The following HK3 variants were observed in gnomAD, a reference collection of about 807,000 sequenced individuals.
HK3 encodes the protein hexokinase 3, also known as hexokinase-3.
In HK3, 93 loss-of-function variants were observed where a neutral mutation model predicts 91.0. That is an observed-to-expected ratio of 1.02 (90% CI 0.86 to 1.21). The LOEUF (loss-of-function observed/expected upper bound fraction) is 1.21. Ranked by LOEUF, HK3 falls within the 50% of genes most tolerant of loss-of-function variation. The pLI, the probability that HK3 is intolerant of heterozygous loss-of-function variation, is 0.00. For synonymous variants in HK3, 519 were observed against 516.9 expected (o/e 1.00, Z -0.06); for missense variants, 1,235 against 1,247.4 (o/e 0.99, Z 0.15).
At chr5:176,891,223 C>T in intron 3 of HK3, 32 bp from the exon 4 acceptor site, 1 of 1,614,026 alleles carries the variant, frequency 6.2e-7, no homozygotes, top group East Asian at 2.2e-5. Context: ...GAAAGCCATG[C>T]AGCTGGCAAG....
intron 13 of HK3, among the ~76,000 whole-genome samples, chr5:176,885,423 C>A (rs1478366496): frequency 6.6e-6 from 1 of 152,060 alleles, no homozygotes; most frequent in Non-Finnish European, 1.5e-5. Flanking sequence ...ATAATGTGGG[C>A]CCAACATTTT....
chr5:176,883,957 C>A, intron 14 of HK3, 82 bp downstream of exon 14: 1 of 1,573,178 alleles, frequency 6.4e-7, no homozygotes, highest in South Asian at 1.1e-5. Context: ...CCGCAGAGGG[C>A]TCCCCCCTCA....
At chr5:176,896,211 G>A (rs923853847) in intron 1 of HK3, 26 bp from the exon 2 acceptor site, 4 of 1,390,166 alleles carry the variant, frequency 2.9e-6, no homozygotes, top group African/African-American at 2.9e-5. Context: ...GACAACCTGG[G>A]TCAACCATTT....
rs73341829 is a variant in HK3 at position 176,888,879 on chromosome 5, G to A, written c.915-15C>T. 3.4e-3 allele frequency: 5,477 copies of A among 1,607,816 alleles called. 148 individuals carry two copies. In the African/African-American group the frequency reaches 0.061, roughly 18 times the overall value. On this transcript the variant is annotated splice_polypyrimidine_tract_variant and intron_variant, in intron 8 of 18. Transcript: ENST00000292432. The stretch of plus-strand genomic sequence containing the variant: ...TCTTCTCAAACCTGCAGGGGGGAAG[G>A]GTGGCTGGAGGAAGCCTTTTCTAAG...
At position 176,887,737 on chromosome 5, in the gene HK3, G is replaced by T. The variant is rs372112258; in HGVS notation, c.1314C>A (p.Ser438Arg). The change falls in exon 11 of 19, where the codon AGC (serine) becomes AGA (arginine). Residue 438 changes from serine to arginine, a missense_variant. Around this residue, in one of 3 missense-constraint regions of HK3, gnomAD observed 717 missense variants for 751.6 expected, o/e 0.95. Transcript: ENST00000292432. This position sits in a 1 kb window ranked among gnomAD's most constrained non-coding sequence, Gnocchi z 4.9. ...RVCERHPRFC[S>R]VLQGTVMLLA... Reference sequence around the variant, plus strand: ...GGAGCATCACTGTCCCCTGCAGGACGCTGCAGAACCTACAGATACATACAG... The same window carrying T: ...GGAGCATCACTGTCCCCTGCAGGACTCTGCAGAACCTACAGATACATACAG... 1.9e-6 allele frequency: 3 copies of T among 1,606,546 alleles called. No individual in the cohort carries two copies. The African/African-American group carries it at 4.0e-5, about 21-fold the overall frequency.
At position 176,881,307 on chromosome 5, in the gene HK3, G is replaced by A; in HGVS notation, c.2622C>T (p.His874=). 1 of 1,613,728 alleles carries A rather than the reference G, an allele frequency of 6.2e-7. No individual in the cohort carries two copies. The highest frequency in any genetic ancestry group is 8.5e-7 in the Non-Finnish European group (1 of 1,179,870). Residue 874 remains histidine, a synonymous_variant, in exon 18 of 19, where the codon CAC becomes CAT. Transcript: ENST00000292432. ...VGVDGTLYKL[H]PRFSSLVAAT... is the part of the protein sequence containing the mutation. ...GCCCGCACACCCAGACTCACCGCGG[G>A]TGCAGCTTGTAGAGCGTTCCATCCA...
rs201445934 is a variant in HK3, at chr5:176,881,160, C to A, written c.2685G>T (p.Thr895=). The change falls in exon 19 of 19, where the codon ACG becomes ACT. Residue 895 remains threonine, a synonymous_variant. Transcript: ENST00000292432. The part of the protein sequence containing the change: ...VRELAPRCVV[T]FLQSEDGSGK... Reference sequence around the variant, plus strand: ...CGGACCCATCCTCTGACTGCAGGAACGTGACCACACAGCGAGGGGCCAGCT... The same window carrying A: ...CGGACCCATCCTCTGACTGCAGGAAAGTGACCACACAGCGAGGGGCCAGCT... The A allele has an allele frequency of 1.2e-6, 2 of 1,613,138 alleles. No homozygotes were observed. The highest frequency in any genetic ancestry group is 8.5e-7 in the Non-Finnish European group (1 of 1,179,920).
chr5:176,890,774 G>A, intron 5 of HK3, 44 bp from the exon 6 acceptor site: 1 of 1,614,172 alleles, frequency 6.2e-7, no homozygotes, highest in Non-Finnish European at 8.5e-7. Flanking sequence ...GGCCTTCATG[G>A]GGCTGCAGCC....
Position 176,880,962 on chromosome 5 carries a change from A to G in HK3, c.*111T>C, listed in dbSNP as rs11540627. 0.072 allele frequency: 93,371 copies of G among 1,295,284 alleles called. 3,775 individuals are homozygous for G. Among genetic ancestry groups the G allele is most frequent in the Admixed American group, 0.16 (5,390 of 34,328 alleles). The allele number at this position is 1,295,284 out of a possible 1,614,324, so 80.2% of individuals were successfully genotyped here. On this transcript the variant is annotated 3_prime_UTR_variant, in exon 19 of 19. Coordinates refer to ENST00000292432, the MANE Select transcript of HK3 (RefSeq NM_002115.3). ...GGCCAAATGGCCGCAGAGGGGTCAC[A>G]CATGGGATGTCCCAGGAGTCCTGGG... is the stretch of plus-strand genomic sequence containing the variant.
At chr5:176,888,299 C>T (rs1758655689) in intron 10 of HK3, 33 bp downstream of exon 10, 1 of 1,520,800 alleles carries the variant, frequency 6.6e-7, no homozygotes, top group African/African-American at 1.4e-5. Context: ...GTGTTCATGC[C>T]AACTAATCAT....
In HK3 at chr5:176,888,354, G is replaced by A. The variant is rs774554590; in HGVS notation, c.1282C>T (p.Arg428Ter). 1.2e-5 allele frequency: 19 copies of A among 1,557,998 alleles called. No homozygotes were observed. The Admixed American group carries it at 2.5e-4, about 21-fold the overall frequency. Residue 428 changes from arginine (R) to a stop codon, truncating the protein, a stop_gained, in exon 10 of 19, where the codon CGA (arginine) becomes TGA (stop). Coordinates refer to ENST00000292432, the MANE Select transcript of HK3 (RefSeq NM_002115.3). LOFTEE classifies it high-confidence loss of function. The stretch of plus-strand genomic sequence containing the variant: ...TACCTGGGGTGCCGCTCACACACTC[G>A]GCCTCCGGTGGCCACAGCAACCTGG... ...TLQVAVATGG[R>*]VCERHPRFCS...
chr5:176,889,636 A>G lies in HK3; in HGVS notation c.730+9T>C. 1.2e-6 allele frequency: 2 copies of G among 1,614,164 alleles called. No homozygotes were observed. Among genetic ancestry groups the G allele is most frequent in the Admixed American group, 1.7e-5 (1 of 60,030 alleles). ...CTCCACCTGTCATCACAAATGGTCC[A>G]TGGCTCACCTACAACTAGCCCAACC... On this transcript the variant is annotated intron_variant, in intron 7 of 18. Transcript: ENST00000292432.
rs554493329 is a variant in HK3 at position 176,894,236 on chromosome 5, G to A, written c.96+1828C>T. Among the ~76,000 whole-genome samples the A allele has an allele frequency of 3.1e-4, 47 of 152,292 alleles. 1 individual carries two copies. The highest frequency in any genetic ancestry group is 1.1e-3 in the African/African-American group (46 of 41,556). The stretch of plus-strand genomic sequence containing the variant: ...GGAAGGGGTGGGGAAGGGCCTCTGA[G>A]ATGGTACTGGGAACTGGCCACACGT... On this transcript the variant is annotated intron_variant, in intron 2 of 18. Transcript: ENST00000292432.
chr5:176,881,151 C>G lies in HK3; in HGVS notation c.2694G>C (p.Gln898His). ...LAPRCVVTFLQSEDGSGKGAA... is the reference protein window; with the variant it reads ...LAPRCVVTFLHSEDGSGKGAA... ...CACCTTTGCCGGACCCATCCTCTGA[C>G]TGCAGGAACGTGACCACACAGCGAG... The change falls in exon 19 of 19, where the codon CAG becomes CAC. Residue 898 changes from glutamine to histidine, a missense_variant. This residue lies in a region of HK3 where 513 missense variants were observed against 477.4 expected (regional missense o/e 1.07). Coordinates refer to ENST00000292432, the MANE Select transcript of HK3 (RefSeq NM_002115.3). 1 of 1,613,184 alleles carries G rather than the reference C, an allele frequency of 6.2e-7. No homozygotes were observed. Among genetic ancestry groups the G allele is most frequent in the Non-Finnish European group, 8.5e-7 (1 of 1,179,946 alleles).
At position 176,887,724 on chromosome 5, in the gene HK3, T is replaced by A. The variant is rs765645825; in HGVS notation, c.1327A>T (p.Thr443Ser). ...HPRFCSVLQG[T>S]VMLLAPECDV... Reference sequence around the variant, plus strand: ...CATTCCGGGGCCAGGAGCATCACTGTCCCCTGCAGGACGCTGCAGAACCTA... The same window carrying A: ...CATTCCGGGGCCAGGAGCATCACTGACCCCTGCAGGACGCTGCAGAACCTA... Residue 443 changes from threonine to serine, a missense_variant, in exon 11 of 19, where the codon ACA (threonine) becomes TCA (serine). By Grantham distance (58) the Thr-to-Ser change is moderately conservative. This residue lies in a region of HK3 where 717 missense variants were observed against 751.6 expected (regional missense o/e 0.95). Coordinates refer to ENST00000292432, the MANE Select transcript of HK3 (RefSeq NM_002115.3). This position sits in a 1 kb window ranked among gnomAD's most constrained non-coding sequence, Gnocchi z 4.9. The A allele has an allele frequency of 1.7e-5, 28 of 1,611,464 alleles. No homozygotes were observed. The highest frequency in any genetic ancestry group is 2.0e-5 in the Non-Finnish European group (24 of 1,178,234).
At position 176,889,478 on chromosome 5, in the gene HK3, C is replaced by T. The variant is rs994311865; in HGVS notation, c.817G>A (p.Glu273Lys). 5.0e-6 allele frequency: 8 copies of T among 1,614,204 alleles called. No homozygotes were observed. The highest frequency in any genetic ancestry group is 1.1e-5 in the South Asian group (1 of 91,088). ...CCATCATCGCTGAAGGAGCCCCACT[C>T]GACGCTGACGCAGACGCGGCCCCGG... Reference protein sequence around the residue: ...EDRGRVCVSVEWGSFSDDGAL... With the variant: ...EDRGRVCVSVKWGSFSDDGAL... Residue 273 changes from glutamate (E) to lysine (K), a missense_variant, in exon 8 of 19, where the codon GAG becomes AAG. Coordinates refer to ENST00000292432, the MANE Select transcript of HK3 (RefSeq NM_002115.3).
chr5:176,891,336 G>C, intron 3 of HK3, 52 bp downstream of exon 3: 1 of 1,607,918 alleles, frequency 6.2e-7, no homozygotes, highest in Non-Finnish European at 8.5e-7. Context: ...CCCTCCCCTA[G>C]ATCAGTACCC....
intron 3 of HK3, 44 bp downstream of exon 3, chr5:176,891,344 C>A: frequency 2.5e-6 from 4 of 1,608,510 alleles, no homozygotes; most frequent in Non-Finnish European, 3.4e-6. Context: ...TAGATCAGTA[C>A]CCTCTTCCAG....
In HK3 at chr5:176,887,681, G is replaced by A; in HGVS notation, c.1370C>T (p.Pro457Leu). Residue 457 changes from proline (P) to leucine (L), a missense_variant, in exon 11 of 19, where the codon CCC (proline) becomes CTC (leucine). Pro to Leu is a moderately conservative substitution (Grantham distance 98). Around this residue, in one of 3 missense-constraint regions of HK3, gnomAD observed 717 missense variants for 751.6 expected, o/e 0.95. Coordinates refer to ENST00000292432, the MANE Select transcript of HK3 (RefSeq NM_002115.3). The surrounding 1 kb of genome is among the most constrained non-coding windows in gnomAD (Gnocchi z 4.9). ...LAPECDVSLI[P>L]SVDGGGRGVA... ...TCCCCGGCCACCACCATCCACAGAGGGGATTAAGGAGACATCGCATTCCGG... is the reference window on the plus strand; with the variant it reads ...TCCCCGGCCACCACCATCCACAGAGAGGATTAAGGAGACATCGCATTCCGG... The A allele has an allele frequency of 6.2e-7, 1 of 1,613,824 alleles. No individual in the cohort carries two copies. The highest frequency in any genetic ancestry group is 8.5e-7 in the Non-Finnish European group (1 of 1,179,860).
Sources: gnomAD v4.1 joint callset for allele counts (sites outside exome capture counted in the v4.1 genomes callset) on GRCh38, gnomAD v4.1.1 for gene constraint, gnomAD v4.1.1 regional missense constraint, Gnocchi (gnomAD v3.1) non-coding constraint, MANE v1.5 for transcripts, NCBI Gene and HGNC (gene_info 2026-07-23, HGNC 2026-07-21) for gene names.